The following KLF12 variants were observed in gnomAD, a reference collection of about 807,000 sequenced individuals.
The protein encoded by KLF12 is KLF transcription factor 12, also known as Krueppel-like factor 12.
KLF12 carries 9 observed loss-of-function variants against 37.8 expected under a neutral mutation model. That is an observed-to-expected ratio of 0.24 (90% CI 0.14 to 0.42). The LOEUF (loss-of-function observed/expected upper bound fraction) is 0.42, where lower values mean the gene tolerates loss of function less well. Among genes scored for constraint, KLF12 ranks in the 10% least tolerant of loss-of-function variants. The pLI is 1.00. For missense variants in KLF12, 411 were observed against 516.0 expected, an observed-to-expected ratio of 0.80 and a Z score of 1.97; for synonymous variants, 208 against 202.1, an observed-to-expected ratio of 1.03 and a Z score of -0.25.
the KLF12 span, among the ~76,000 whole-genome samples, chr13:74,217,352 T>C: frequency 1.3e-5 from 2 of 151,636 alleles, no homozygotes; most frequent in Non-Finnish European, 2.9e-5. Context: ...CTACAGACAC[T>C]ACTGGTAGTA....
the KLF12 span, among the ~76,000 whole-genome samples, chr13:74,302,497 G>C: frequency 6.6e-6 from 1 of 152,048 alleles, no homozygotes; most frequent in Non-Finnish European, 1.5e-5. Context: ...CTAAACTAAA[G>C]GAATATTTAT....
chr13:74,161,408 A>G, the KLF12 span, among the ~76,000 whole-genome samples: 3 of 151,998 alleles, frequency 2.0e-5, no homozygotes, highest in African/African-American at 7.3e-5. Context: ...AGAGAGGGAG[A>G]TTTGGACACA....
intron 2 of KLF12, among the ~76,000 whole-genome samples, chr13:73,975,207 C>G (rs946854843): frequency 2.0e-5 from 3 of 152,172 alleles, no homozygotes; most frequent in African/African-American, 7.2e-5. Flanking sequence ...AATCTCTGCT[C>G]AGCTCGAGAA....
At chr13:74,080,142 C>T (rs1874794200) in intron 1 of KLF12, among the ~76,000 whole-genome samples, 2 of 152,178 alleles carry the variant, frequency 1.3e-5, no homozygotes, top group Admixed American at 1.3e-4. Flanking sequence ...CTGACTGATT[C>T]CACTTAAAGT....
intron 4 of KLF12, among the ~76,000 whole-genome samples, chr13:73,843,763 C>G (rs1006107225): frequency 1.3e-5 from 2 of 152,130 alleles, no homozygotes; most frequent in African/African-American, 4.8e-5. Context: ...TTCATACATC[C>G]TTGATCCCAA....
intron 3 of KLF12, among the ~76,000 whole-genome samples, chr13:73,867,291 C>T (rs1886222904): frequency 6.6e-6 from 1 of 151,392 alleles, no homozygotes; most frequent in Non-Finnish European, 1.5e-5. Context: ...CAGTTATAGT[C>T]ATACTAGGGA....
the KLF12 span, among the ~76,000 whole-genome samples, chr13:74,176,147 C>T: frequency 3.9e-5 from 6 of 152,298 alleles, no homozygotes; most frequent in South Asian, 1.2e-3. Context: ...TTCAACCTAA[C>T]TTATTATTCC....
At chr13:74,137,086 T>C (rs1878584874), upstream of KLF12, among the ~76,000 whole-genome samples, 1 of 152,180 alleles carries the variant, frequency 6.6e-6, no homozygotes, top group Admixed American at 6.5e-5. Flanking sequence ...ATATAGAATT[T>C]AGATTTAAAG....
At chr13:74,175,159 A>T in the KLF12 span, among the ~76,000 whole-genome samples, 3 of 152,168 alleles carry the variant, frequency 2.0e-5, no homozygotes, top group Non-Finnish European at 4.4e-5. Context: ...GCACATTCAG[A>T]TCCCAATATA....
chr13:73,773,905 C>A (rs972367015), intron 5 of KLF12, among the ~76,000 whole-genome samples: 4 of 152,146 alleles, frequency 2.6e-5, no homozygotes, highest in African/African-American at 9.7e-5. Context: ...CCTACCCCTT[C>A]CTCAGCTCCG....
chr13:73,932,172 CAAG>C (rs761731212), intron 3 of KLF12, among the ~76,000 whole-genome samples: 1 of 152,078 alleles, frequency 6.6e-6, no homozygotes, highest in Non-Finnish European at 1.5e-5. Flanking sequence ...TTAGTTATGA[CAAG>C]AATATGGCAA....
At chr13:74,039,341 G>A (rs1306581162) in intron 1 of KLF12, among the ~76,000 whole-genome samples, 1 of 152,070 alleles carries the variant, frequency 6.6e-6, no homozygotes, top group Admixed American at 6.6e-5. Flanking sequence ...TTTGAGACCA[G>A]CCTGGGCAAC....
In KLF12 at chr13:73,976,735, A is replaced by T. The variant is rs78488114; in HGVS notation, c.33+18255T>A. On this transcript the variant is annotated intron_variant, in intron 2 of 7. Transcript: ENST00000377669. The stretch of plus-strand genomic sequence containing the variant: ...GAGGATGTATGTTAAAGTCAGACTA[A>T]CAGGCATTTAGGTAAGATGCATTAC... Among the ~76,000 whole-genome samples the T allele has an allele frequency of 5.5e-3, 840 of 152,350 alleles. 14 individuals are homozygous for T. The highest frequency in any genetic ancestry group is 0.02 in the African/African-American group (821 of 41,578).
chr13:73,876,405 C>T (rs1007319864), intron 3 of KLF12, among the ~76,000 whole-genome samples: 1 of 152,182 alleles, frequency 6.6e-6, no homozygotes, highest in African/African-American at 2.4e-5. Context: ...TTAAAAGACT[C>T]CTGTGATAAG....
chr13:73,927,357 C>T (rs761932086), intron 3 of KLF12, among the ~76,000 whole-genome samples: 1 of 152,130 alleles, frequency 6.6e-6, no homozygotes, highest in Non-Finnish European at 1.5e-5. Context: ...CAATGAGGAA[C>T]GTACCCTCTC....
chr13:73,788,308 G>C (rs1355188098), intron 5 of KLF12, among the ~76,000 whole-genome samples: 2 of 152,176 alleles, frequency 1.3e-5, no homozygotes, highest in Admixed American at 1.3e-4. Context: ...AGTTACAGTA[G>C]GGAATCTGAG....
the KLF12 span, among the ~76,000 whole-genome samples, chr13:74,165,536 T>C: frequency 6.6e-6 from 1 of 152,240 alleles, no homozygotes. Flanking sequence ...CACCCTCAAC[T>C]GATCTACTCA....
intron 6 of KLF12, among the ~76,000 whole-genome samples, chr13:73,716,432 TG>T (rs1875815860): frequency 6.6e-6 from 1 of 152,222 alleles, no homozygotes; most frequent in South Asian, 2.1e-4. Flanking sequence ...GTTAATATTT[TG>T]ACATATTTTC....
intron 1 of KLF12, among the ~76,000 whole-genome samples, chr13:74,031,518 T>G (rs1893113006): frequency 6.6e-6 from 1 of 152,122 alleles, no homozygotes; most frequent in Non-Finnish European, 1.5e-5. Flanking sequence ...ACTTAACTCT[T>G]TGGTAGGGCA....
Sources: gnomAD v4.1 joint callset for allele counts (sites outside exome capture counted in the v4.1 genomes callset) on GRCh38, gnomAD v4.1.1 for gene constraint, MANE v1.5 for transcripts, NCBI Gene and HGNC (gene_info 2026-07-23, HGNC 2026-07-21) for gene names.